Variants in PIP4P2 observed in about 807,000 individuals in gnomAD.
PIP4P2 encodes the protein type 2 phosphatidylinositol 4,5-bisphosphate 4-phosphatase.
A neutral mutation model predicts 33.3 loss-of-function variants in PIP4P2; 19 were observed. That is an observed-to-expected ratio of 0.57 (90% CI 0.40 to 0.84). The LOEUF (loss-of-function observed/expected upper bound fraction) is 0.84, where lower values mean the gene tolerates loss of function less well. PIP4P2 is among the 40% of genes least tolerant of loss of function. The pLI, the probability that PIP4P2 is intolerant of heterozygous loss-of-function variation, is 0.00. For synonymous variants in PIP4P2, 110 were observed against 111.9 expected (o/e 0.98, Z 0.11); for missense variants, 270 against 324.7 (o/e 0.83, Z 1.29).
Position 91,006,229 on chromosome 8 carries a change from T to C in PIP4P2, c.539+2514A>G, listed in dbSNP as rs370605702. On this transcript the variant is annotated intron_variant, in intron 5 of 6. Transcript: ENST00000285419. ...TCTAGATACCAGCTAGGAGTGTTCATGTGGTCACAGTATTTGCACTCAAAT... is the reference window on the plus strand; with the variant it reads ...TCTAGATACCAGCTAGGAGTGTTCACGTGGTCACAGTATTTGCACTCAAAT... Among the ~76,000 whole-genome samples the C allele has an allele frequency of 2.6e-4, 39 of 152,356 alleles. 4 individuals carry two copies. The highest frequency in any genetic ancestry group is 2.0e-3 in the Admixed American group (30 of 15,304).
At chr8:90,996,632 A>G in intron 6 of PIP4P2, 22 bp downstream of exon 6, 2 of 1,585,260 alleles carry the variant, frequency 1.3e-6, no homozygotes, top group Non-Finnish European at 1.7e-6. Flanking sequence ...ACAGAATTCT[A>G]ACATCAAAGT....
At chr8:91,036,526 A>C (rs181654837) in intron 1 of PIP4P2, among the ~76,000 whole-genome samples, 52 of 151,710 alleles carry the variant, frequency 3.4e-4, no homozygotes, top group African/African-American at 1.2e-3. Flanking sequence ...TGTTCAATCC[A>C]CCTCCTTAAC....
Position 91,040,815 on chromosome 8 carries a change from A to ACTG in PIP4P2, c.-69_-67dup. The ACTG allele has an allele frequency of 5.5e-6, 8 of 1,441,582 alleles. No homozygotes were observed. The East Asian group carries it at 1.7e-4, about 30-fold the overall frequency. The allele number at this position is 1,441,582 out of a possible 1,614,324, so 89.3% of individuals were successfully genotyped here. A position where few individuals can be genotyped will look rare whatever the true frequency, so the allele number is the denominator to read the frequency against. ...TTGCGGCCTCGGCGGAGTGGTGGCT[A>ACTG]CTGCTGCTGCCTCTGCTGCCGCTGC... On this transcript the variant is annotated 5_prime_UTR_variant, in exon 1 of 7. Transcript: ENST00000285419.
intron 1 of PIP4P2, among the ~76,000 whole-genome samples, chr8:91,039,857 C>T (rs1390558987): frequency 2.0e-5 from 3 of 152,068 alleles, no homozygotes; most frequent in Non-Finnish European, 4.4e-5. Flanking sequence ...TTCTCCAGAT[C>T]CCATTGCATT....
chr8:91,016,925 T>G (rs1811922921), intron 4 of PIP4P2, among the ~76,000 whole-genome samples: 1 of 152,216 alleles, frequency 6.6e-6, no homozygotes, highest in Non-Finnish European at 1.5e-5. Context: ...CAATTATTTG[T>G]AAGTCCAAGA....
rs768392842 is a variant in PIP4P2 at position 91,021,273 on chromosome 8, C to G, written c.238G>C (p.Val80Leu). 6.2e-7 allele frequency: 1 copy of G among 1,613,722 alleles called. No individual in the cohort carries two copies. Among genetic ancestry groups the G allele is most frequent in the Non-Finnish European group, 8.5e-7 (1 of 1,179,752 alleles). ...CCACTTACCGTAGCTTCATTGCAAA[C>G]TGTGCACTTAACCACATGCTGGTGA... ...KLHQHVVKCT[V>L]CNEATPIKNP... The change falls in exon 2 of 7, where the codon GTT becomes CTT. Residue 80 changes from valine to leucine, a missense_variant. Transcript: ENST00000285419.
At chr8:91,019,395 CAAAAAAAAAAAA>C (rs71510466) in intron 3 of PIP4P2, among the ~76,000 whole-genome samples, 12 of 19,698 alleles carry the variant, frequency 6.1e-4, no homozygotes, top group African/African-American at 2.6e-3. Flanking sequence ...CCTGTCTCTA[CAAAAAAAAAAAA>C]AAAAAAAAAA....
intron 1 of PIP4P2, among the ~76,000 whole-genome samples, chr8:91,032,491 G>A (rs527815732): frequency 6.6e-6 from 1 of 152,058 alleles, no homozygotes; most frequent in East Asian, 1.9e-4. Context: ...CATTAAAAAT[G>A]AAGCACAGGC....
At chr8:90,997,699 G>T (rs985139725) in intron 5 of PIP4P2, among the ~76,000 whole-genome samples, 3 of 152,042 alleles carry the variant, frequency 2.0e-5, no homozygotes, top group African/African-American at 7.2e-5. Flanking sequence ...CATCGTGTTA[G>T]TGAATGACAC....
At chr8:91,024,471 C>A (rs1013603838) in intron 1 of PIP4P2, 1 of 280,574 alleles carries the variant, frequency 3.6e-6, no homozygotes, top group African/African-American at 2.2e-5. Context: ...CATTTTGTCT[C>A]TTTTCACTTT....
At chr8:91,003,218 G>A (rs1008661359) in intron 5 of PIP4P2, among the ~76,000 whole-genome samples, 8 of 152,124 alleles carry the variant, frequency 5.3e-5, no homozygotes, top group Admixed American at 1.3e-4. Flanking sequence ...CTAAAATGAC[G>A]TATGCATTTA....
At chr8:91,020,341 A>C (rs1376693523) in intron 2 of PIP4P2, 78 bp from the exon 3 acceptor site, 1 of 1,302,118 alleles carries the variant, frequency 7.7e-7, no homozygotes, top group Non-Finnish European at 1.1e-6. Flanking sequence ...TTTAAAAAGG[A>C]AAGGATTCCA....
chr8:91,035,067 T>G (rs1481458218), intron 1 of PIP4P2, among the ~76,000 whole-genome samples: 10 of 152,226 alleles, frequency 6.6e-5, no homozygotes, highest in Non-Finnish European at 1.5e-4. Flanking sequence ...TTAAATGATA[T>G]GTCTCAAAAC....
intron 5 of PIP4P2, among the ~76,000 whole-genome samples, chr8:91,003,960 T>C (rs1350130421): frequency 7.1e-6 from 1 of 141,844 alleles, no homozygotes; most frequent in Non-Finnish European, 1.5e-5. Flanking sequence ...GATAGATAGA[T>C]AGATAGATAG....
intron 1 of PIP4P2, among the ~76,000 whole-genome samples, chr8:91,034,831 G>T (rs997561492): frequency 1.3e-5 from 2 of 152,174 alleles, no homozygotes; most frequent in Non-Finnish European, 1.5e-5. Flanking sequence ...CTGCAAGTAC[G>T]CAGGGAGACT....
chr8:91,004,844 G>C (rs933152398), intron 5 of PIP4P2, among the ~76,000 whole-genome samples: 2 of 152,186 alleles, frequency 1.3e-5, no homozygotes, highest in African/African-American at 4.8e-5. Context: ...GAGACCTGGA[G>C]AGTTGGGGGT....
intron 5 of PIP4P2, among the ~76,000 whole-genome samples, chr8:90,997,601 TAA>T (rs1203043821): frequency 2.0e-5 from 3 of 152,114 alleles, no homozygotes; most frequent in African/African-American, 4.8e-5. Context: ...CAAAATGATA[TAA>T]GTTATAGCAG....
chr8:91,008,648 G>T, intron 5 of PIP4P2, 95 bp downstream of exon 5: 2 of 1,195,314 alleles, frequency 1.7e-6, no homozygotes, highest in Non-Finnish European at 2.5e-6. Flanking sequence ...TCCACAGCAT[G>T]TTTTAAAATC....
intron 4 of PIP4P2, among the ~76,000 whole-genome samples, chr8:91,012,716 T>C (rs1811855828): frequency 6.6e-6 from 1 of 152,220 alleles, no homozygotes; most frequent in African/African-American, 2.4e-5. Context: ...GCACTGAATG[T>C]TAAGTAAGGA....
Sources: allele counts gnomAD v4.1 joint callset (sites outside exome capture counted in the v4.1 genomes callset), GRCh38; gene constraint gnomAD v4.1.1; transcripts MANE v1.5; gene names NCBI Gene and HGNC (gene_info 2026-07-23, HGNC 2026-07-21).